The following TANGO6 variants were observed in gnomAD, a reference collection of about 807,000 sequenced individuals.
The protein encoded by TANGO6 is transport and golgi organization 6 homolog.
A neutral mutation model predicts 114.2 loss-of-function variants in TANGO6; 90 were observed. The observed-to-expected ratio is 0.79, with a 90% CI of 0.66 to 0.94. TANGO6 has a LOEUF of 0.94. Ranked by LOEUF, TANGO6 falls within the 40% of genes least tolerant of loss-of-function variation. TANGO6 has a pLI of 0.00. For synonymous variants in TANGO6, 477 were observed against 509.8 expected, an observed-to-expected ratio of 0.94 and a Z score of 0.87; for missense variants, 1,274 against 1,315.3, an observed-to-expected ratio of 0.97 and a Z score of 0.49.
At position 69,084,984 on chromosome 16, in the gene TANGO6, A is replaced by G. The variant is rs1309281449; in HGVS notation, c.*1323A>G. ...TATGAACAGGATCACAAGTGAGCTT[A>G]GTGAGCAGAGAGTTAGAACAAATCT... On this transcript the variant is annotated 3_prime_UTR_variant, in exon 18 of 18. Transcript: ENST00000261778. The G allele has an allele frequency of 6.6e-6, 1 of 152,368 alleles. No homozygotes were observed. Among genetic ancestry groups the G allele is most frequent in the African/African-American group, 2.4e-5 (1 of 41,468 alleles). 9.4% of individuals were successfully genotyped at this position (152,368 alleles called of 1,614,324 possible). A position where few individuals can be genotyped will look rare whatever the true frequency, so the allele number is the denominator to read the frequency against.
intron 14 of TANGO6, 100 bp downstream of exon 14, chr16:68,930,395 T>A: frequency 9.3e-6 from 9 of 968,956 alleles, no homozygotes; most frequent in Non-Finnish European, 1.4e-5. Context: ...AGGAGACTAC[T>A]GGTCATTTTG....
chr16:68,981,714 T>C (rs1425290003), intron 15 of TANGO6, among the ~76,000 whole-genome samples: 1 of 152,192 alleles, frequency 6.6e-6, no homozygotes, highest in Non-Finnish European at 1.5e-5. Context: ...TCTGATCTGC[T>C]GTAGACCACA....
intron 17 of TANGO6, among the ~76,000 whole-genome samples, chr16:69,066,748 A>ATAC (rs1233272560): frequency 6.6e-6 from 1 of 152,160 alleles, no homozygotes; most frequent in Admixed American, 6.6e-5. Context: ...TATACTCGTA[A>ATAC]GGTAGGTGGT....
Position 68,974,061 on chromosome 16 carries a change from A to T in TANGO6, c.2735A>T (p.Lys912Ile). 1 of 1,612,630 alleles carries T rather than the reference A, an allele frequency of 6.2e-7. No individual in the cohort carries two copies. The highest frequency in any genetic ancestry group is 8.5e-7 in the Non-Finnish European group (1 of 1,179,368). ...CTGCTGTCAGACGTCTATCCTGAGA[A>T]AATCTTGCCGGACTTGTTGGCTCAA... Reference protein sequence around the residue: ...VALLSDVYPEKILPDLLAQYD... With the variant: ...VALLSDVYPEIILPDLLAQYD... The change falls in exon 15 of 18, where the codon AAA (lysine) becomes ATA (isoleucine). Residue 912 changes from lysine (K) to isoleucine (I), a missense_variant. By Grantham distance (102) the Lys-to-Ile change is moderately radical. Around this residue, in one of 5 missense-constraint regions of TANGO6, gnomAD observed 238 missense variants for 252.9 expected, o/e 0.94. Coordinates refer to ENST00000261778, the MANE Select transcript of TANGO6 (RefSeq NM_024562.2).
At chr16:68,921,118 C>CAA (rs374286269) in intron 12 of TANGO6, among the ~76,000 whole-genome samples, 6,947 of 55,560 alleles carry the variant, frequency 0.13, 348 homozygotes, top group African/African-American at 0.16. Context: ...GACTCTGTCT[C>CAA]AAAAAAAAAA....
rs574931350 is a variant in TANGO6, at chr16:68,989,360, T to A, written c.2842+15192T>A. ...TTAATAGTTTCAACTGATCTATCTTTAGGTACATGGACTCTTTCCTCTGTC... is the reference window on the plus strand; with the variant it reads ...TTAATAGTTTCAACTGATCTATCTTAAGGTACATGGACTCTTTCCTCTGTC... On this transcript the variant is annotated intron_variant, in intron 15 of 17. Coordinates refer to ENST00000261778, the MANE Select transcript of TANGO6 (RefSeq NM_024562.2). 6.2e-4 allele frequency among the ~76,000 whole-genome samples: 95 copies of A among 152,242 alleles called. 3 individuals are homozygous for A. Among genetic ancestry groups the A allele is most frequent in the Admixed American group, 6.2e-3 (95 of 15,288 alleles).
intron 1 of TANGO6, among the ~76,000 whole-genome samples, chr16:68,858,681 C>CT: frequency 6.6e-6 from 1 of 152,102 alleles, no homozygotes; most frequent in East Asian, 1.9e-4. Context: ...CGGGCTCTCC[C>CT]TACATTGCCC....
In TANGO6 at chr16:68,919,486, C is replaced by T. The variant is rs145460961; in HGVS notation, c.2127+267C>T. 4.8e-3 allele frequency among the ~76,000 whole-genome samples: 729 copies of T among 152,174 alleles called. 5 individuals are homozygous for T. The highest frequency in any genetic ancestry group is 0.017 in the African/African-American group (689 of 41,520). On this transcript the variant is annotated intron_variant, in intron 12 of 17. Coordinates refer to ENST00000261778, the MANE Select transcript of TANGO6 (RefSeq NM_024562.2). ...ACAATCTTAATTTGGGAACATCTAGCCTGGTGTTTTGCATCTGAGGTGAAT... is the reference window on the plus strand; with the variant it reads ...ACAATCTTAATTTGGGAACATCTAGTCTGGTGTTTTGCATCTGAGGTGAAT...
chr16:68,938,836 A>G (rs1004426580), intron 14 of TANGO6, among the ~76,000 whole-genome samples: 1 of 152,088 alleles, frequency 6.6e-6, no homozygotes, highest in Non-Finnish European at 1.5e-5. Context: ...TTCTATAAGC[A>G]TTAGCAATCA....
chr16:68,922,812 G>A (rs1963113283), intron 12 of TANGO6, among the ~76,000 whole-genome samples: 1 of 152,020 alleles, frequency 6.6e-6, no homozygotes, highest in African/African-American at 2.4e-5. Context: ...GTTAAAAGCT[G>A]GGCTCCAAAT....
Position 69,040,430 on chromosome 16 carries a change from G to A in TANGO6, c.3108+9G>A, listed in dbSNP as rs373890681. 72 of 1,584,928 alleles carry A rather than the reference G, an allele frequency of 4.5e-5. 1 individual carries two copies. The Admixed American group carries it at 1.0e-3, about 23-fold the overall frequency. ...GCCAGAAAGCTACTGAGGTCAGTCC[G>A]TCTCTCGCCCTTTGCAATTTCTCCA... On this transcript the variant is annotated intron_variant, in intron 17 of 17. Coordinates refer to ENST00000261778, the MANE Select transcript of TANGO6 (RefSeq NM_024562.2).
At chr16:68,847,955 G>A (rs897679659) in intron 1 of TANGO6, among the ~76,000 whole-genome samples, 12 of 141,366 alleles carry the variant, frequency 8.5e-5, no homozygotes, top group African/African-American at 1.6e-4. Context: ...AGCTGAGATC[G>A]TACCACTGCA....
intron 16 of TANGO6, among the ~76,000 whole-genome samples, chr16:69,038,795 C>T (rs57156714): frequency 0.014 from 2,063 of 152,240 alleles, 52 homozygotes; most frequent in South Asian, 0.092. Context: ...GTAATCCCAG[C>T]ACTTTGGGAG....
chr16:68,951,707 G>A lies in TANGO6; in HGVS notation c.2701+21412G>A, dbSNP rs193181669. On this transcript the variant is annotated intron_variant, in intron 14 of 17. Coordinates refer to ENST00000261778, the MANE Select transcript of TANGO6 (RefSeq NM_024562.2). Reference sequence around the variant, plus strand: ...AGCTCACTGCAAGCTCTGCCTTCCCGGTTCACACCATTCTCCTGCCTCAGC... The same window carrying A: ...AGCTCACTGCAAGCTCTGCCTTCCCAGTTCACACCATTCTCCTGCCTCAGC... Among the ~76,000 whole-genome samples the A allele has an allele frequency of 5.7e-4, 85 of 149,868 alleles. 1 individual carries two copies. Among genetic ancestry groups the A allele is most frequent in the Admixed American group, 2.0e-3 (30 of 14,900 alleles).
At position 68,962,968 on chromosome 16, in the gene TANGO6, C is replaced by A. The variant is rs189874245; in HGVS notation, c.2702-11060C>A. On this transcript the variant is annotated intron_variant, in intron 14 of 17. Coordinates refer to ENST00000261778, the MANE Select transcript of TANGO6 (RefSeq NM_024562.2). The stretch of plus-strand genomic sequence containing the variant: ...AATTAGCCTGGCATGGTGGCGGGCG[C>A]CCGTAGTCCCAGTCACTCGGGAGGC... Among the ~76,000 whole-genome samples, 55 of 150,914 alleles carry A rather than the reference C, an allele frequency of 3.6e-4. No homozygotes were observed. In the East Asian group the frequency reaches 9.8e-3, roughly 27 times the overall value.
chr16:69,012,853 G>C (rs1959225828), intron 15 of TANGO6, among the ~76,000 whole-genome samples: 1 of 152,154 alleles, frequency 6.6e-6, no homozygotes. Context: ...GAGCCTTACG[G>C]TTCAAATAAG....
chr16:69,064,335 A>C (rs898797869), intron 17 of TANGO6, among the ~76,000 whole-genome samples: 2 of 152,130 alleles, frequency 1.3e-5, no homozygotes, highest in African/African-American at 4.8e-5. Context: ...CCAGTGAGCA[A>C]ATGCCCTAAG....
chr16:69,065,736 G>A (rs1960205594), intron 17 of TANGO6, among the ~76,000 whole-genome samples: 1 of 152,166 alleles, frequency 6.6e-6, no homozygotes, highest in African/African-American at 2.4e-5. Flanking sequence ...TTAGACATTA[G>A]TAATCCTGCC....
At chr16:69,063,584 G>A (rs1290427606) in intron 17 of TANGO6, among the ~76,000 whole-genome samples, 2 of 141,382 alleles carry the variant, frequency 1.4e-5, no homozygotes, top group African/African-American at 5.2e-5. Flanking sequence ...TACTCGAGAA[G>A]CTGAGGCTGG....
Sources: gnomAD v4.1 joint callset for allele counts (sites outside exome capture counted in the v4.1 genomes callset) on GRCh38, gnomAD v4.1.1 for gene constraint, gnomAD v4.1.1 regional missense constraint, MANE v1.5 for transcripts, NCBI Gene and HGNC (gene_info 2026-07-23, HGNC 2026-07-21) for gene names.